Variants in ACOT7 observed in about 807,000 individuals in gnomAD.
ACOT7 encodes acyl-CoA thioesterase 7.
In ACOT7, 12 loss-of-function variants were observed where a neutral mutation model predicts 40.2. The ratio of observed to expected loss-of-function variants is 0.30; its 90% CI spans 0.19 to 0.48. The LOEUF (loss-of-function observed/expected upper bound fraction) is 0.48. Among genes scored for constraint, ACOT7 ranks in the 20% least tolerant of loss-of-function variants. The pLI, the probability that ACOT7 is intolerant of heterozygous loss-of-function variation, is 0.99. For missense variants in ACOT7, 395 were observed against 530.8 expected (o/e 0.74, Z 2.51); for synonymous variants, 228 against 219.5 (o/e 1.04, Z -0.34).
At chr1:6,286,500 C>T (rs560794214) in intron 7 of ACOT7, among the ~76,000 whole-genome samples, 5 of 152,292 alleles carry the variant, frequency 3.3e-5, no homozygotes, top group South Asian at 2.1e-4. Context: ...CGAAGCCATG[C>T]GGGAGGAGCC....
At chr1:6,316,334 C>G (rs1477453433) in intron 6 of ACOT7, among the ~76,000 whole-genome samples, 5 of 152,126 alleles carry the variant, frequency 3.3e-5, no homozygotes, top group Non-Finnish European at 5.9e-5. Flanking sequence ...AGCTGTTCTG[C>G]GGGCAGCAAG....
In ACOT7 at chr1:6,393,610, T is replaced by C. The variant is rs1642578158; in HGVS notation, c.-211A>G. 2.8e-6 allele frequency: 1 copy of C among 359,710 alleles called. No individual in the cohort carries two copies. Among genetic ancestry groups the C allele is most frequent in the Non-Finnish European group, 4.6e-6 (1 of 215,908 alleles). The allele number at this position is 359,710 out of a possible 1,614,324, so 22.3% of individuals were successfully genotyped here. On this transcript the variant is annotated 5_prime_UTR_variant, in exon 1 of 9. Transcript: ENST00000361521. Reference sequence around the variant, plus strand: ...CAGGCAGCCGCCGCTTCCAGAAGGTTCGGTGGCGGTTGGGCCGCGCCGGTG... The same window carrying C: ...CAGGCAGCCGCCGCTTCCAGAAGGTCCGGTGGCGGTTGGGCCGCGCCGGTG...
intron 7 of ACOT7, among the ~76,000 whole-genome samples, chr1:6,292,085 CCCCTGGATGTGACAGAGTCTAGTGGG>C (rs1369933190): frequency 2.0e-5 from 3 of 152,242 alleles, no homozygotes; most frequent in African/African-American, 7.2e-5. Context: ...CATTCAACGG[CCCCTGGATGTGACAGAGTCTAGTGGG>C]CCCTGGAGGA....
At chr1:6,370,563 C>A (rs1386071284) in intron 1 of ACOT7, among the ~76,000 whole-genome samples, 1 of 150,908 alleles carries the variant, frequency 6.6e-6, no homozygotes, top group African/African-American at 2.4e-5. Context: ...GATCTCAGCT[C>A]ACTGCAGCCT....
chr1:6,288,413 C>A lies in ACOT7; in HGVS notation c.829+6451G>T, dbSNP rs1167199688. ...TGCTAAGGACCCCGTAGGTGCTTGG[C>A]CGGGCTAGTTGGCGCAAAGGTGTAA... On this transcript the variant is annotated intron_variant, in intron 7 of 8. Transcript: ENST00000361521. The surrounding 1 kb of genome is among the most constrained non-coding windows in gnomAD (Gnocchi z 4.3). Among the ~76,000 whole-genome samples, 3 of 152,236 alleles carry A rather than the reference C, an allele frequency of 2.0e-5. No homozygotes were observed. Among genetic ancestry groups the A allele is most frequent in the Non-Finnish European group, 4.4e-5 (3 of 68,056 alleles).
At chr1:6,383,856 C>T (rs1167805873) in intron 1 of ACOT7, among the ~76,000 whole-genome samples, 1 of 151,764 alleles carries the variant, frequency 6.6e-6, no homozygotes, top group African/African-American at 2.4e-5. Context: ...AGGCGCCCGC[C>T]ACCACACTCG....
At chr1:6,353,557 C>T (rs1405193348) in intron 1 of ACOT7, among the ~76,000 whole-genome samples, 4 of 152,178 alleles carry the variant, frequency 2.6e-5, no homozygotes, top group African/African-American at 9.7e-5. Context: ...TTGCTCGAAC[C>T]TGAAAGGCAG....
At position 6,306,891 on chromosome 1, in the gene ACOT7, G is replaced by A. The variant is rs1025885615; in HGVS notation, c.712+11601C>T. The A allele has an allele frequency of 7.8e-7, 1 of 1,289,164 alleles. No individual in the cohort carries two copies. The highest frequency in any genetic ancestry group is 1.5e-5 in the African/African-American group (1 of 65,960). The allele number at this position is 1,289,164 out of a possible 1,614,324, so 79.9% of individuals were successfully genotyped here. ...GTGAAAGTCAACTCCTCCTGCAGGT[G>A]CAAAAGATTGTTTTTTCACAACTGC... is the stretch of plus-strand genomic sequence containing the variant. On this transcript the variant is annotated intron_variant, in intron 6 of 8. Coordinates refer to ENST00000361521, the MANE Select transcript of ACOT7 (RefSeq NM_007274.4). This position sits in a 1 kb window ranked among gnomAD's most constrained non-coding sequence, Gnocchi z 4.3.
rs539831920 is a variant in ACOT7, at chr1:6,266,036, CG to C, written c.1015-1342del. On this transcript the variant is annotated intron_variant, in intron 8 of 8. Transcript: ENST00000361521. The stretch of plus-strand genomic sequence containing the variant: ...GCCGGCCTGGAGCCAATGGAATCTT[CG>C]GGTATTTAAAGAAATAGGTGGCGCT... 1.6e-4 allele frequency among the ~76,000 whole-genome samples: 24 copies of C among 152,286 alleles called. No homozygotes were observed. In the South Asian group the frequency reaches 5.0e-3, roughly 32 times the overall value.
chr1:6,371,060 C>G (rs2148473564), intron 1 of ACOT7, among the ~76,000 whole-genome samples: 1 of 152,094 alleles, frequency 6.6e-6, no homozygotes, highest in East Asian at 1.9e-4. Flanking sequence ...CCACTTGCCT[C>G]AGCCTCCCAA....
intron 5 of ACOT7, among the ~76,000 whole-genome samples, chr1:6,324,200 C>A (rs963925740): frequency 6.6e-6 from 1 of 152,020 alleles, no homozygotes; most frequent in East Asian, 1.9e-4. Flanking sequence ...ACTGAGATAC[C>A]GGCTCTACCA....
At chr1:6,323,488 C>G (rs988732666) in intron 5 of ACOT7, among the ~76,000 whole-genome samples, 15 of 152,020 alleles carry the variant, frequency 9.9e-5, no homozygotes, top group Non-Finnish European at 2.2e-4. Context: ...GAGGCTGAGG[C>G]GGGCGGATCG....
At chr1:6,287,419 G>A (rs1040040444) in intron 7 of ACOT7, among the ~76,000 whole-genome samples, 27 of 152,328 alleles carry the variant, frequency 1.8e-4, no homozygotes, top group African/African-American at 6.3e-4. Flanking sequence ...TTCCAAATGG[G>A]AAAAACAAAC....
At chr1:6,368,251 G>A (rs1206336915) in intron 1 of ACOT7, among the ~76,000 whole-genome samples, 1 of 152,134 alleles carries the variant, frequency 6.6e-6, no homozygotes, top group Non-Finnish European at 1.5e-5. Context: ...ATGGCATCCA[G>A]GCTGTTTGTG....
chr1:6,340,257 C>T (rs1641240267), intron 2 of ACOT7, among the ~76,000 whole-genome samples: 1 of 152,266 alleles, frequency 6.6e-6, no homozygotes, highest in East Asian at 1.9e-4. Context: ...TGAGCCACCG[C>T]GCCCGGCCTA....
At chr1:6,370,958 C>G (rs1323655089) in intron 1 of ACOT7, among the ~76,000 whole-genome samples, 1 of 151,694 alleles carries the variant, frequency 6.6e-6, no homozygotes, top group East Asian at 1.9e-4. Context: ...TTATAGGCGC[C>G]TGCCACTGCG....
At chr1:6,349,434 C>T (rs72633437) in intron 2 of ACOT7, among the ~76,000 whole-genome samples, 11,965 of 152,282 alleles carry the variant, frequency 0.079, 526 homozygotes, top group Non-Finnish European at 0.096. Context: ...CTCCACCCCA[C>T]GGAGGCGGGG....
intron 1 of ACOT7, among the ~76,000 whole-genome samples, chr1:6,378,560 C>G (rs1642278774): frequency 6.6e-6 from 1 of 151,978 alleles, no homozygotes; most frequent in South Asian, 2.1e-4. Flanking sequence ...CAGCTGCCAG[C>G]CCCTGACCTG....
At chr1:6,264,768 TG>T (rs1638767448) in intron 8 of ACOT7, 73 bp from the exon 9 acceptor site, 9 of 1,493,620 alleles carry the variant, frequency 6.0e-6, no homozygotes, top group Non-Finnish European at 1.8e-6. Context: ...TGACCTGGCC[TG>T]GGGCCCTGCC....
Sources: allele counts gnomAD v4.1 joint callset (sites outside exome capture counted in the v4.1 genomes callset), GRCh38; gene constraint gnomAD v4.1.1; non-coding constraint Gnocchi (gnomAD v3.1); transcripts MANE v1.5; gene names NCBI Gene and HGNC (gene_info 2026-07-23, HGNC 2026-07-21).